COG5: variants seen among roughly 807,000 people sequenced by gnomAD.
COG5 encodes conserved oligomeric Golgi complex subunit 5.
A neutral mutation model predicts 110.4 loss-of-function variants in COG5; 86 were observed. The observed-to-expected ratio is 0.78, with a 90% CI of 0.65 to 0.93. The LOEUF is 0.93. Ranked by LOEUF, COG5 falls within the 40% of genes least tolerant of loss-of-function variation. The probability of loss-of-function intolerance (pLI) is 0.00; values close to 1 mark genes in which losing one functional copy is unlikely to be tolerated. For synonymous variants in COG5, 360 were observed against 334.6 expected (o/e 1.08, Z -0.83); for missense variants, 1,077 against 987.0 (o/e 1.09, Z -1.22).
intron 6 of COG5, among the ~76,000 whole-genome samples, chr7:107,494,974 C>T (rs1798181959): frequency 6.6e-6 from 1 of 152,074 alleles, no homozygotes; most frequent in Admixed American, 6.6e-5. Flanking sequence ...CAAATCCCCG[C>T]CTTATCATTA....
chr7:107,527,463 T>C (rs1472204530), intron 5 of COG5, 106 bp from the exon 6 acceptor site: 4 of 1,234,622 alleles, frequency 3.2e-6, no homozygotes, highest in Non-Finnish European at 4.6e-6. Flanking sequence ...CAAACCACCA[T>C]GGCACATGTT....
chr7:107,225,052 G>C (rs998301267), intron 19 of COG5, among the ~76,000 whole-genome samples: 1 of 152,204 alleles, frequency 6.6e-6, no homozygotes, highest in Non-Finnish European at 1.5e-5. Context: ...GTATGTATGA[G>C]GGCGTGTGCA....
At chr7:107,395,210 A>C (rs140928246) in intron 7 of COG5, among the ~76,000 whole-genome samples, 10 of 152,332 alleles carry the variant, frequency 6.6e-5, no homozygotes, top group Admixed American at 2.0e-4. Flanking sequence ...AAAATGAAAA[A>C]TAAGAAACCC....
chr7:107,364,661 C>T (rs1228264226), intron 8 of COG5, among the ~76,000 whole-genome samples: 1 of 152,164 alleles, frequency 6.6e-6, no homozygotes, highest in Non-Finnish European at 1.5e-5. Context: ...CATTCTATAT[C>T]CCTGCTTTTA....
rs116509485 is a variant in COG5 at position 107,262,270 on chromosome 7, G to A, written c.1576-3887C>T. ...ACCACCTTCTCATGCTATCTCACAGGAGTCCCTGATACCCACTTCTTTATT... is the reference window on the plus strand; with the variant it reads ...ACCACCTTCTCATGCTATCTCACAGAAGTCCCTGATACCCACTTCTTTATT... On this transcript the variant is annotated intron_variant, in intron 14 of 21. Coordinates refer to ENST00000297135, the MANE Select transcript of COG5 (RefSeq NM_006348.5). 5.4e-3 allele frequency among the ~76,000 whole-genome samples: 821 copies of A among 152,204 alleles called. 10 individuals are homozygous for A. The highest frequency in any genetic ancestry group is 0.019 in the African/African-American group (800 of 41,530).
chr7:107,522,353 G>A (rs1000476582), intron 6 of COG5, among the ~76,000 whole-genome samples: 39 of 152,138 alleles, frequency 2.6e-4, no homozygotes, highest in South Asian at 6.2e-4. Flanking sequence ...CTGTAATCCC[G>A]GCTACTCAGG....
At chr7:107,292,563 G>C (rs1806263743) in intron 12 of COG5, among the ~76,000 whole-genome samples, 1 of 152,180 alleles carries the variant, frequency 6.6e-6, no homozygotes, top group South Asian at 2.1e-4. Flanking sequence ...CCTACCAAGA[G>C]TTTTCCTTAG....
intron 6 of COG5, among the ~76,000 whole-genome samples, chr7:107,512,146 C>G (rs1263136334): frequency 6.6e-6 from 1 of 151,856 alleles, no homozygotes; most frequent in Non-Finnish European, 1.5e-5. Context: ...TCTAGAAAAC[C>G]CCACTGTCTC....
At chr7:107,406,676 T>C (rs1331401790) in intron 7 of COG5, among the ~76,000 whole-genome samples, 5 of 152,164 alleles carry the variant, frequency 3.3e-5, no homozygotes, top group Non-Finnish European at 5.9e-5. Flanking sequence ...CATTCCTTTT[T>C]GACATGTTAA....
At chr7:107,286,969 A>C (rs1421599514) in intron 12 of COG5, among the ~76,000 whole-genome samples, 2 of 152,226 alleles carry the variant, frequency 1.3e-5, no homozygotes, top group African/African-American at 2.4e-5. Context: ...ATATAAAGAC[A>C]TATCTCTAAG....
At chr7:107,279,696 T>C (rs950605121) in intron 14 of COG5, among the ~76,000 whole-genome samples, 1 of 152,182 alleles carries the variant, frequency 6.6e-6, no homozygotes, top group Non-Finnish European at 1.5e-5. Flanking sequence ...TCTTATTTAA[T>C]GCTTAAGCTT....
Position 107,211,096 on chromosome 7 carries a change from T to G in COG5, c.2295+3A>C, listed in dbSNP as rs1385049007. On this transcript the variant is annotated splice_donor_region_variant and intron_variant, in intron 20 of 21. Transcript: ENST00000297135. The stretch of plus-strand genomic sequence containing the variant: ...AGGGTTCTGGCTTGACTTTATTTAT[T>G]ACCTGGAAAGGAGATTTCAGTTCAG... The G allele has an allele frequency of 6.2e-7, 1 of 1,614,044 alleles. No individual in the cohort carries two copies. Among genetic ancestry groups the G allele is most frequent in the Non-Finnish European group, 8.5e-7 (1 of 1,179,956 alleles).
chr7:107,356,618 A>T (rs59299906), intron 10 of COG5, among the ~76,000 whole-genome samples: 5 of 152,136 alleles, frequency 3.3e-5, no homozygotes, highest in African/African-American at 1.2e-4. Flanking sequence ...AAAGAAAAAA[A>T]TTTCAGTACA....
chr7:107,230,657 A>C lies in COG5; in HGVS notation c.2126T>G (p.Val709Gly). 6.2e-7 allele frequency: 1 copy of C among 1,613,422 alleles called. No homozygotes were observed. Among genetic ancestry groups the C allele is most frequent in the Non-Finnish European group, 8.5e-7 (1 of 1,179,420 alleles). Residue 709 changes from valine to glycine, a missense_variant, in exon 19 of 22, where the codon GTA becomes GGA. Coordinates refer to ENST00000297135, the MANE Select transcript of COG5 (RefSeq NM_006348.5). The stretch of plus-strand genomic sequence containing the variant: ...CCGATAGGACTTTCCTAAATCAGAT[A>C]CTCGTCTACAGAATGGACCCACAGC... ...ELAVGPFCRR[V>G]SDLGKSYRML...
At chr7:107,506,290 G>A (rs1798991392) in intron 6 of COG5, among the ~76,000 whole-genome samples, 1 of 152,196 alleles carries the variant, frequency 6.6e-6, no homozygotes. Context: ...TTGGTCTTAT[G>A]TTACCCAGGG....
intron 19 of COG5, among the ~76,000 whole-genome samples, chr7:107,219,659 T>C (rs1288674924): frequency 6.6e-6 from 1 of 152,094 alleles, no homozygotes; most frequent in African/African-American, 2.4e-5. Context: ...GAGAACAGAA[T>C]GGTAGTTACC....
intron 6 of COG5, among the ~76,000 whole-genome samples, chr7:107,505,336 C>T (rs1025434027): frequency 6.6e-6 from 1 of 152,064 alleles, no homozygotes; most frequent in Non-Finnish European, 1.5e-5. Context: ...TGAGGTCTTA[C>T]CAGAGGGAGG....
chr7:107,312,832 C>G (rs1277452094), intron 11 of COG5, among the ~76,000 whole-genome samples: 1 of 145,884 alleles, frequency 6.9e-6, no homozygotes, highest in Non-Finnish European at 1.5e-5. Context: ...TTGGCAGAAG[C>G]AGAGGACCTC....
chr7:107,300,825 T>C (rs1284933911), intron 11 of COG5, among the ~76,000 whole-genome samples: 1 of 152,054 alleles, frequency 6.6e-6, no homozygotes, highest in African/African-American at 2.4e-5. Flanking sequence ...AAAAATCATA[T>C]GAAAATGTAA....
Sources: gnomAD v4.1 joint callset for allele counts (sites outside exome capture counted in the v4.1 genomes callset) on GRCh38, gnomAD v4.1.1 for gene constraint, MANE v1.5 for transcripts, NCBI Gene and HGNC (gene_info 2026-07-23, HGNC 2026-07-21) for gene names.